GEMIN7: variants seen among roughly 807,000 people sequenced by gnomAD.
GEMIN7 encodes gem nuclear organelle associated protein 7.
In GEMIN7, 7 loss-of-function variants were observed where a neutral mutation model predicts 7.8. That is an observed-to-expected ratio of 0.90 (90% CI 0.51 to 1.69). The LOEUF (loss-of-function observed/expected upper bound fraction) is 1.69. Among genes scored for constraint, GEMIN7 ranks in the 40% most tolerant of loss-of-function variants. The probability of loss-of-function intolerance (pLI) is 0.00; values close to 1 mark genes in which losing one functional copy is unlikely to be tolerated. For synonymous variants in GEMIN7, 68 were observed against 72.4 expected (o/e 0.94, Z 0.31); for missense variants, 159 against 176.2 (o/e 0.90, Z 0.55).
Position 45,090,492 on chromosome 19 carries a change from ATAT to A in GEMIN7, c.379_381del (p.Tyr127del). On this transcript the variant is annotated inframe_deletion, in exon 3 of 3. Transcript: ENST00000270257. ...TGCTCCGATGTAGTGACATTATTTCATATACCTTCAAGCCATAAAGATATTGTG... is the reference window on the plus strand; with the variant it reads ...TGCTCCGATGTAGTGACATTATTTCAACCTTCAAGCCATAAAGATATTGTG... 6.2e-7 allele frequency: 1 copy of A among 1,609,332 alleles called. No individual in the cohort carries two copies. Among genetic ancestry groups the A allele is most frequent in the Non-Finnish European group, 8.5e-7 (1 of 1,176,590 alleles).
upstream of GEMIN7, among the ~76,000 whole-genome samples, chr19:45,078,492 A>G (rs1048130018): frequency 2.0e-5 from 3 of 152,174 alleles, no homozygotes; most frequent in Non-Finnish European, 4.4e-5. Context: ...ACTAGAACGT[A>G]GGTTCTAGGA....
At chr19:45,083,599 CTTTT>C (rs1184251456) in intron 2 of GEMIN7, among the ~76,000 whole-genome samples, 2 of 48,334 alleles carry the variant, frequency 4.1e-5, no homozygotes, top group African/African-American at 1.2e-4. Context: ...AATTCTTCTT[CTTTT>C]TTTTTTTTTT....
In GEMIN7 at chr19:45,090,493, T is replaced by C. The variant is rs777319219; in HGVS notation, c.379T>C (p.Tyr127His). ...GCTCCGATGTAGTGACATTATTTCATATACCTTCAAGCCATAAAGATATTG... is the reference window on the plus strand; with the variant it reads ...GCTCCGATGTAGTGACATTATTTCACATACCTTCAAGCCATAAAGATATTG... ...ALLRCSDIIS[Y>H]TFKP Residue 127 changes from tyrosine (Y) to histidine (H), a missense_variant, in exon 3 of 3, where the codon TAT becomes CAT. Physicochemically the swap from Tyr to His is moderately conservative, Grantham distance 83. Coordinates refer to ENST00000270257, the MANE Select transcript of GEMIN7 (RefSeq NM_024707.3). 15 of 1,609,546 alleles carry C rather than the reference T, an allele frequency of 9.3e-6. No homozygotes were observed. The highest frequency in any genetic ancestry group is 1.7e-5 in the Admixed American group (1 of 59,954).
At chr19:45,082,214 C>T (rs2122655860) in intron 2 of GEMIN7, among the ~76,000 whole-genome samples, 1 of 152,298 alleles carries the variant, frequency 6.6e-6, no homozygotes, top group African/African-American at 2.4e-5. Context: ...CCTGCCCCCA[C>T]CTCCTCCACA....
chr19:45,084,434 G>A (rs1018894417), intron 2 of GEMIN7, among the ~76,000 whole-genome samples: 2 of 151,890 alleles, frequency 1.3e-5, no homozygotes, highest in African/African-American at 4.8e-5. Context: ...ACAGAGTCTC[G>A]CTGTGTTGTC....
At chr19:45,084,165 C>T (rs576406151) in intron 2 of GEMIN7, among the ~76,000 whole-genome samples, 7 of 145,562 alleles carry the variant, frequency 4.8e-5, no homozygotes, top group East Asian at 2.1e-4. Context: ...GAGCCAAGAT[C>T]GCGCCACTGC....
upstream of GEMIN7, among the ~76,000 whole-genome samples, chr19:45,077,391 C>T (rs1254509786): frequency 6.6e-6 from 1 of 152,176 alleles, no homozygotes; most frequent in Non-Finnish European, 1.5e-5. Flanking sequence ...CTTCCCTCCC[C>T]TAAGCAGTTC....
intron 2 of GEMIN7, among the ~76,000 whole-genome samples, chr19:45,089,656 C>T (rs1188078053): frequency 1.3e-5 from 2 of 152,056 alleles, no homozygotes; most frequent in Admixed American, 6.6e-5. Flanking sequence ...TCTCCCTCAG[C>T]CTCCTGAGTA....
intron 2 of GEMIN7, among the ~76,000 whole-genome samples, chr19:45,081,927 C>T (rs1205643001): frequency 2.0e-5 from 3 of 152,226 alleles, no homozygotes; most frequent in Middle Eastern, 6.8e-3. Flanking sequence ...CCAGCCTCGA[C>T]CTTTCAAACA....
intron 2 of GEMIN7, among the ~76,000 whole-genome samples, chr19:45,086,225 T>C (rs1967682653): frequency 6.6e-6 from 1 of 151,624 alleles, no homozygotes; most frequent in East Asian, 2.0e-4. Flanking sequence ...GTGGCACCAC[T>C]GCACTCCGGC....
intron 2 of GEMIN7, among the ~76,000 whole-genome samples, chr19:45,080,424 G>A (rs1482698833): frequency 2.0e-5 from 3 of 149,614 alleles, no homozygotes; most frequent in African/African-American, 7.4e-5. Flanking sequence ...GGCCCAGGCT[G>A]GGGTGCAGAG....
chr19:45,087,375 C>G (rs1967729063), intron 2 of GEMIN7, among the ~76,000 whole-genome samples: 1 of 152,140 alleles, frequency 6.6e-6, no homozygotes. Context: ...AACTCCTGAC[C>G]TCTAGTGATC....
intron 2 of GEMIN7, among the ~76,000 whole-genome samples, chr19:45,081,855 T>C (rs554756022): frequency 6.6e-6 from 1 of 152,168 alleles, no homozygotes; most frequent in Admixed American, 6.6e-5. Context: ...CATCCTGACC[T>C]CAGGCGATCT....
intron 2 of GEMIN7, among the ~76,000 whole-genome samples, chr19:45,083,149 T>A (rs1165764158): frequency 6.6e-6 from 1 of 152,094 alleles, no homozygotes; most frequent in Admixed American, 6.6e-5. Flanking sequence ...AAGTTAAAAT[T>A]GAAAATATGT....
intron 2 of GEMIN7, among the ~76,000 whole-genome samples, chr19:45,082,502 A>T (rs1482647287): frequency 2.0e-5 from 3 of 152,228 alleles, no homozygotes; most frequent in Non-Finnish European, 4.4e-5. Context: ...CTGTGAGCCC[A>T]CAAAGGCGGA....
At chr19:45,089,360 T>G (rs996093450) in intron 2 of GEMIN7, among the ~76,000 whole-genome samples, 3 of 152,250 alleles carry the variant, frequency 2.0e-5, no homozygotes, top group Non-Finnish European at 4.4e-5. Flanking sequence ...GTATGGATTC[T>G]GGATTTCTGT....
upstream of GEMIN7, chr19:45,075,734 G>A (rs199895704): frequency 9.3e-6 from 15 of 1,613,952 alleles, no homozygotes; most frequent in Non-Finnish European, 1.3e-5. Context: ...CCGCGGCTGG[G>A]GCCTCTGAAG....
upstream of GEMIN7, chr19:45,076,283 C>T: frequency 3.4e-6 from 5 of 1,477,382 alleles, no homozygotes; most frequent in Non-Finnish European, 3.6e-6. This position sits in a 1 kb window ranked among gnomAD's most constrained non-coding sequence, Gnocchi z 4.9. Flanking sequence ...AGTTCGATGA[C>T]GAGGTCCTGC....
chr19:45,087,759 CAG>C (rs1303229069), intron 2 of GEMIN7, among the ~76,000 whole-genome samples: 1 of 151,926 alleles, frequency 6.6e-6, no homozygotes, highest in African/African-American at 2.4e-5. Context: ...CAGGCATTAA[CAG>C]GGTGTTGGGG....
Sources: gnomAD v4.1 joint callset for allele counts (sites outside exome capture counted in the v4.1 genomes callset) on GRCh38, gnomAD v4.1.1 for gene constraint, Gnocchi (gnomAD v3.1) non-coding constraint, MANE v1.5 for transcripts, NCBI Gene and HGNC (gene_info 2026-07-23, HGNC 2026-07-21) for gene names.